Variants in CNTN5 observed in about 807,000 individuals in gnomAD.
CNTN5 encodes the protein contactin 5.
CNTN5 carries 77 observed loss-of-function variants against 129.1 expected under a neutral mutation model. The ratio of observed to expected loss-of-function variants is 0.60; its 90% CI spans 0.50 to 0.72. The LOEUF is 0.72. Ranked by LOEUF, CNTN5 falls within the 30% of genes least tolerant of loss-of-function variation. The pLI is 0.00. For missense variants in CNTN5, 1,478 were observed against 1,328.8 expected (o/e 1.11, Z -1.75); for synonymous variants, 509 against 465.6 (o/e 1.09, Z -1.20).
chr11:99,670,322 C>T (rs1049709569), intron 3 of CNTN5, among the ~76,000 whole-genome samples: 4 of 152,116 alleles, frequency 2.6e-5, no homozygotes, highest in African/African-American at 9.7e-5. Context: ...AAGAAATCCC[C>T]ATTGAAGAAT....
At chr11:99,591,984 C>A (rs1490835017) in intron 3 of CNTN5, among the ~76,000 whole-genome samples, 1 of 152,084 alleles carries the variant, frequency 6.6e-6, no homozygotes, top group Non-Finnish European at 1.5e-5. Flanking sequence ...AAAACAAGGG[C>A]AATTCCTAAG....
intron 2 of CNTN5, among the ~76,000 whole-genome samples, chr11:99,530,384 G>A (rs992295135): frequency 3.9e-5 from 6 of 152,152 alleles, no homozygotes; most frequent in Admixed American, 6.6e-5. Flanking sequence ...GCAGATATTA[G>A]GAGAATGATT....
intron 2 of CNTN5, among the ~76,000 whole-genome samples, chr11:99,517,866 G>A (rs77943832): frequency 0.066 from 10,020 of 152,138 alleles, 364 homozygotes; most frequent in African/African-American, 0.098. Flanking sequence ...TTAGGGTTAG[G>A]ACAGGGACAA....
At chr11:99,475,472 T>C (rs1046173587) in intron 2 of CNTN5, among the ~76,000 whole-genome samples, 26 of 152,312 alleles carry the variant, frequency 1.7e-4, no homozygotes, top group African/African-American at 5.0e-4. Flanking sequence ...AAACAGTCAT[T>C]TATTTATTCA....
At chr11:99,228,065 C>CT (rs565618567) in intron 1 of CNTN5, among the ~76,000 whole-genome samples, 6 of 151,100 alleles carry the variant, frequency 4.0e-5, no homozygotes, top group Non-Finnish European at 8.9e-5. Context: ...GATATTTTCA[C>CT]TTTTTTTTTG....
chr11:99,061,062 G>C lies in CNTN5; in HGVS notation c.-210+39792G>C, dbSNP rs79607639. Among the ~76,000 whole-genome samples the C allele has an allele frequency of 1.3e-3, 198 of 151,984 alleles. 1 individual carries two copies. The highest frequency in any genetic ancestry group is 3.4e-3 in the Middle Eastern group (1 of 294). ...TCTGAGATTTTTTTTTCTTTAAGTA[G>C]CATTGTGTAAATACAAATCACTTTA... On this transcript the variant is annotated intron_variant, in intron 1 of 24. Coordinates refer to ENST00000524871, the MANE Select transcript of CNTN5 (RefSeq NM_014361.4).
chr11:99,729,842 G>A (rs1273408139), intron 3 of CNTN5, among the ~76,000 whole-genome samples: 3 of 152,124 alleles, frequency 2.0e-5, no homozygotes, highest in African/African-American at 7.2e-5. Context: ...AGTGGGAGCT[G>A]AACAATGAGA....
At chr11:99,916,183 T>A (rs1405866114) in intron 7 of CNTN5, 34 bp downstream of exon 7, 2 of 1,500,074 alleles carry the variant, frequency 1.3e-6, no homozygotes, top group Admixed American at 3.5e-5. Flanking sequence ...CTGCTGCTGC[T>A]GCTCTCTTTT....
chr11:100,175,564 T>C (rs1404239211), intron 13 of CNTN5, among the ~76,000 whole-genome samples: 2 of 152,136 alleles, frequency 1.3e-5, no homozygotes, highest in Admixed American at 1.3e-4. Flanking sequence ...TACCAGTTAA[T>C]GTGTCCTTTA....
chr11:99,462,350 CTTTTCTTTTCTT>C (rs1565202167), intron 2 of CNTN5, among the ~76,000 whole-genome samples: 6 of 109,542 alleles, frequency 5.5e-5, no homozygotes, highest in Non-Finnish European at 3.7e-5. Flanking sequence ...TTCTTTTTTT[CTTTTCTTTTCTT>C]TTTTTTTTTT....
chr11:100,089,552 A>G (rs1238341800), intron 13 of CNTN5, among the ~76,000 whole-genome samples: 1 of 152,208 alleles, frequency 6.6e-6, no homozygotes, highest in Non-Finnish European at 1.5e-5. Flanking sequence ...CAATCCCATT[A>G]CTGGGTGAAT....
intron 6 of CNTN5, among the ~76,000 whole-genome samples, chr11:99,851,550 G>T (rs963441480): frequency 6.6e-6 from 1 of 152,158 alleles, no homozygotes; most frequent in Non-Finnish European, 1.5e-5. Context: ...GGGATTTTTA[G>T]AAATAATTGA....
intron 3 of CNTN5, among the ~76,000 whole-genome samples, chr11:99,576,406 G>A (rs924805271): frequency 6.6e-6 from 1 of 152,148 alleles, no homozygotes; most frequent in South Asian, 2.1e-4. Flanking sequence ...TATTATAAAT[G>A]CATTACATAT....
In CNTN5 at chr11:99,295,648, G is replaced by T. The variant is rs1005685009; in HGVS notation, c.-209-29698G>T. ...TCCCAGCACTTTGGGAGGCCGAGGCGGGTGGATCATGAGGTCAGGAGATCG... is the reference window on the plus strand; with the variant it reads ...TCCCAGCACTTTGGGAGGCCGAGGCTGGTGGATCATGAGGTCAGGAGATCG... On this transcript the variant is annotated intron_variant, in intron 1 of 24. Coordinates refer to ENST00000524871, the MANE Select transcript of CNTN5 (RefSeq NM_014361.4). Among the ~76,000 whole-genome samples the T allele has an allele frequency of 2.6e-5, 4 of 151,316 alleles. No individual in the cohort carries two copies. The East Asian group carries it at 5.9e-4, about 22-fold the overall frequency.
chr11:100,073,398 C>A (rs915242924), intron 12 of CNTN5, among the ~76,000 whole-genome samples: 10 of 151,870 alleles, frequency 6.6e-5, no homozygotes, highest in South Asian at 2.1e-4. Flanking sequence ...CTATACATAT[C>A]TTTTTCAATG....
At chr11:99,724,382 C>T (rs531635835) in intron 3 of CNTN5, among the ~76,000 whole-genome samples, 2 of 152,272 alleles carry the variant, frequency 1.3e-5, no homozygotes, top group East Asian at 3.9e-4. Flanking sequence ...CCTGGCAGAT[C>T]ATCAGCTCCT....
intron 1 of CNTN5, among the ~76,000 whole-genome samples, chr11:99,190,566 A>AT (rs946836129): frequency 7.3e-5 from 11 of 151,134 alleles, no homozygotes; most frequent in Non-Finnish European, 1.3e-4. Flanking sequence ...TTCTTCTTCT[A>AT]TTTTTGTTCA....
At chr11:99,822,105 C>G (rs552522576) in intron 4 of CNTN5, among the ~76,000 whole-genome samples, 2 of 151,970 alleles carry the variant, frequency 1.3e-5, no homozygotes, top group Non-Finnish European at 2.9e-5. Context: ...CATGCTCTTA[C>G]GAAAAATGAG....
At position 100,070,648 on chromosome 11, in the gene CNTN5, G is replaced by A. The variant is rs1943885993; in HGVS notation, c.1299+88G>A. ...CTAGGCTTCTTTAGTCTTATTGAAA[G>A]CCTTTTCCTGTTTCTGATTCGTATA... On this transcript the variant is annotated intron_variant, in intron 11 of 24. Coordinates refer to ENST00000524871, the MANE Select transcript of CNTN5 (RefSeq NM_014361.4). The A allele has an allele frequency of 2.4e-6, 3 of 1,246,392 alleles. No homozygotes were observed. In the Admixed American group the frequency reaches 6.1e-5, roughly 25 times the overall value. 77.2% of individuals were successfully genotyped at this position (1,246,392 alleles called of 1,614,324 possible). A position where few individuals can be genotyped will look rare whatever the true frequency, so the allele number is the denominator to read the frequency against.
Sources: allele counts gnomAD v4.1 joint callset (sites outside exome capture counted in the v4.1 genomes callset), GRCh38; gene constraint gnomAD v4.1.1; transcripts MANE v1.5; gene names NCBI Gene and HGNC (gene_info 2026-07-23, HGNC 2026-07-21).